MAP2K6: variants seen among roughly 807,000 people sequenced by gnomAD.
MAP2K6 encodes the protein mitogen-activated protein kinase kinase 6, also known as dual specificity mitogen-activated protein kinase kinase 6.
In MAP2K6, 16 loss-of-function variants were observed where a neutral mutation model predicts 53.7. That is an observed-to-expected ratio of 0.30 (90% CI 0.20 to 0.45). The LOEUF (loss-of-function observed/expected upper bound fraction) is 0.45. Ranked by LOEUF, MAP2K6 falls within the 20% of genes least tolerant of loss-of-function variation. MAP2K6 has a pLI of 1.00. For missense variants in MAP2K6, 204 were observed against 411.9 expected, an observed-to-expected ratio of 0.50 and a Z score of 4.37; for synonymous variants, 132 against 143.1, an observed-to-expected ratio of 0.92 and a Z score of 0.55.
chr17:69,541,613 C>A, intron 11 of MAP2K6, 63 bp from the exon 12 acceptor site: 2 of 1,252,476 alleles, frequency 1.6e-6, no homozygotes, highest in Non-Finnish European at 2.3e-6. Flanking sequence ...TATTCATTTG[C>A]TAATCTCATA....
At chr17:69,468,738 C>A (rs1311133130) in intron 1 of MAP2K6, among the ~76,000 whole-genome samples, 2 of 152,142 alleles carry the variant, frequency 1.3e-5, no homozygotes, top group African/African-American at 4.8e-5. Flanking sequence ...GCCAGTAAAG[C>A]CCCTTCATCA....
chr17:69,499,405 T>G (rs1909070014), intron 1 of MAP2K6, among the ~76,000 whole-genome samples: 1 of 152,230 alleles, frequency 6.6e-6, no homozygotes, highest in Admixed American at 6.5e-5. Context: ...CTTAATGACC[T>G]GCGGAGATTG....
At chr17:69,538,685 C>T (rs1202986394) in intron 11 of MAP2K6, among the ~76,000 whole-genome samples, 2 of 152,102 alleles carry the variant, frequency 1.3e-5, no homozygotes, top group African/African-American at 2.4e-5. Context: ...TATAGAAATC[C>T]CAAATGTTTC....
chr17:69,449,705 T>TG (rs1491523620), intron 1 of MAP2K6, among the ~76,000 whole-genome samples: 5 of 118,898 alleles, frequency 4.2e-5, no homozygotes, highest in Non-Finnish European at 6.7e-5. Context: ...CTCCGCCCCC[T>TG]GGGGTTCACG....
At chr17:69,531,794 G>T (rs72853118) in intron 10 of MAP2K6, among the ~76,000 whole-genome samples, 1 of 151,906 alleles carries the variant, frequency 6.6e-6, no homozygotes, top group Non-Finnish European at 1.5e-5. Flanking sequence ...CTTTCTTATC[G>T]TAGGGGTTTT....
At chr17:69,510,608 T>TC (rs1909761331) in intron 2 of MAP2K6, among the ~76,000 whole-genome samples, 1 of 152,218 alleles carries the variant, frequency 6.6e-6, no homozygotes, top group Non-Finnish European at 1.5e-5. Flanking sequence ...CTGGGACTTT[T>TC]TAATCACAAT....
intron 1 of MAP2K6, among the ~76,000 whole-genome samples, chr17:69,475,022 G>A (rs1908097073): frequency 6.6e-6 from 1 of 152,134 alleles, no homozygotes; most frequent in Non-Finnish European, 1.5e-5. Context: ...TTTGTATTTT[G>A]ACAAAAGCTG....
At chr17:69,416,916 G>A (rs817548) in intron 1 of MAP2K6, among the ~76,000 whole-genome samples, 58,547 of 152,000 alleles carry the variant, frequency 0.39, 11,797 homozygotes, top group Middle Eastern at 0.45. Context: ...CTATGAACGT[G>A]GCTCCCTCTT....
intron 1 of MAP2K6, among the ~76,000 whole-genome samples, chr17:69,436,246 G>A (rs1906637996): frequency 1.3e-5 from 2 of 152,076 alleles, no homozygotes; most frequent in Admixed American, 1.3e-4. Context: ...TGATTTACTT[G>A]ATCCAAAGAA....
In MAP2K6 at chr17:69,549,363, GT is replaced by G; in HGVS notation, c.*7611del. 1 of 152,176 alleles carries G rather than the reference GT, an allele frequency of 6.6e-6. No homozygotes were observed. The highest frequency in any genetic ancestry group is 1.5e-5 in the Non-Finnish European group (1 of 68,022). The allele number at this position is 152,176 out of a possible 1,614,324, so 9.4% of individuals were successfully genotyped here. A position where few individuals can be genotyped will look rare whatever the true frequency, so the allele number is the denominator to read the frequency against. On this transcript the variant is annotated 3_prime_UTR_variant, in exon 12 of 12. Coordinates refer to ENST00000590474, the MANE Select transcript of MAP2K6 (RefSeq NM_002758.4). ...TTGGCAAGTTTAGGCACTTACTTGTGTCTTAATGTGGGAAACAGAACTTTCT... is the reference window on the plus strand; with the variant it reads ...TTGGCAAGTTTAGGCACTTACTTGTGCTTAATGTGGGAAACAGAACTTTCT...
intron 1 of MAP2K6, among the ~76,000 whole-genome samples, chr17:69,499,746 GTAAA>G (rs1284174617): frequency 6.6e-6 from 1 of 152,196 alleles, no homozygotes; most frequent in Non-Finnish European, 1.5e-5. Flanking sequence ...AAATGCAGAA[GTAAA>G]TAAATAAATA....
chr17:69,437,962 T>G (rs1906700396), intron 1 of MAP2K6, among the ~76,000 whole-genome samples: 1 of 152,274 alleles, frequency 6.6e-6, no homozygotes, highest in South Asian at 2.1e-4. Context: ...CTTTACCACA[T>G]TCTTCTCTTT....
At chr17:69,420,663 A>G (rs1006046082) in intron 1 of MAP2K6, among the ~76,000 whole-genome samples, 1 of 152,250 alleles carries the variant, frequency 6.6e-6, no homozygotes, top group Admixed American at 6.5e-5. Context: ...GGGAGAAGTC[A>G]GATCTACAGA....
In MAP2K6 at chr17:69,552,764, G is replaced by A. The variant is rs902344000; in HGVS notation, c.*11011G>A. The A allele has an allele frequency of 2.0e-5, 3 of 152,126 alleles. No homozygotes were observed. The highest frequency in any genetic ancestry group is 6.5e-5 in the Admixed American group (1 of 15,272). The allele number at this position is 152,126 out of a possible 1,614,324, so 9.4% of individuals were successfully genotyped here. A position where few individuals can be genotyped will look rare whatever the true frequency, so the allele number is the denominator to read the frequency against. On this transcript the variant is annotated 3_prime_UTR_variant, in exon 12 of 12. Transcript: ENST00000590474. ...AAATACCTGTTTTGTGGGACAGCAT[G>A]CCTTTGTTTTCTTTGCCTGTTGGCT...
chr17:69,439,582 T>C (rs894797093), intron 1 of MAP2K6, among the ~76,000 whole-genome samples: 1 of 152,174 alleles, frequency 6.6e-6, no homozygotes, highest in Non-Finnish European at 1.5e-5. Context: ...AATTAGTAAG[T>C]TGTGGTGCCA....
At chr17:69,447,961 C>T (rs1384202282) in intron 1 of MAP2K6, among the ~76,000 whole-genome samples, 1 of 152,042 alleles carries the variant, frequency 6.6e-6, no homozygotes, top group Non-Finnish European at 1.5e-5. Context: ...TGTTTCAACC[C>T]GAAATTGAGA....
At chr17:69,531,257 A>G (rs1002155238) in intron 10 of MAP2K6, among the ~76,000 whole-genome samples, 8 of 152,170 alleles carry the variant, frequency 5.3e-5, no homozygotes, top group Non-Finnish European at 5.9e-5. Context: ...TATGCAGAAA[A>G]AGAACCCATT....
At chr17:69,501,925 T>G (rs1292320151) in intron 1 of MAP2K6, among the ~76,000 whole-genome samples, 1 of 151,786 alleles carries the variant, frequency 6.6e-6, no homozygotes, top group African/African-American at 2.4e-5. Context: ...CATGTTTTTT[T>G]TTTTTTTTTT....
intron 5 of MAP2K6, 58 bp from the exon 6 acceptor site, chr17:69,520,207 TTTTTA>T: frequency 1.9e-5 from 16 of 864,518 alleles, no homozygotes; most frequent in Non-Finnish European, 2.6e-5. Context: ...CTGTTTTTTT[TTTTTA>T]TTTTTATTTC....
Sources: gnomAD v4.1 joint callset for allele counts (sites outside exome capture counted in the v4.1 genomes callset) on GRCh38, gnomAD v4.1.1 for gene constraint, MANE v1.5 for transcripts, NCBI Gene and HGNC (gene_info 2026-07-23, HGNC 2026-07-21) for gene names.